The following CPT1C variants were observed in gnomAD, a reference collection of about 807,000 sequenced individuals.
CPT1C encodes the protein carnitine palmitoyltransferase 1C.
In CPT1C, 61 loss-of-function variants were observed where a neutral mutation model predicts 97.3. The ratio of observed to expected loss-of-function variants is 0.63; its 90% CI spans 0.51 to 0.78. The LOEUF (loss-of-function observed/expected upper bound fraction) is 0.78. Ranked by LOEUF, CPT1C falls within the 30% of genes least tolerant of loss-of-function variation. CPT1C has a pLI of 0.00. For missense variants in CPT1C, 975 were observed against 1,065.5 expected, an observed-to-expected ratio of 0.92 and a Z score of 1.18; for synonymous variants, 469 against 447.2, an observed-to-expected ratio of 1.05 and a Z score of -0.61.
chr19:49,697,169 G>A (rs1398531251), intron 3 of CPT1C, among the ~76,000 whole-genome samples, 157 bp from the exon 4 acceptor site: 1 of 152,146 alleles, frequency 6.6e-6, no homozygotes, highest in Admixed American at 6.5e-5. Context: ...GTCTGACCTC[G>A]CTGAGGGCAG....
intron 4 of CPT1C, among the ~76,000 whole-genome samples, chr19:49,699,548 T>C (rs2123229691): frequency 6.8e-6 from 1 of 146,882 alleles, no homozygotes; most frequent in East Asian, 2.1e-4. Context: ...TTGACCCAAG[T>C]CCTCCAGGTG....
chr19:49,712,966 C>T lies in CPT1C; in HGVS notation c.2134-6C>T. On this transcript the variant is annotated splice_polypyrimidine_tract_variant and splice_region_variant and intron_variant, in intron 18 of 19. Coordinates refer to ENST00000598293, the MANE Select transcript of CPT1C (RefSeq NM_001199753.2). The stretch of plus-strand genomic sequence containing the variant: ...ATTTTCTTCCCTTCACTCTTTCCGT[C>T]TCCAGGCTGATGACCATGGTTATGG... The T allele has an allele frequency of 6.2e-7, 1 of 1,613,474 alleles. No homozygotes were observed. The highest frequency in any genetic ancestry group is 8.5e-7 in the Non-Finnish European group (1 of 1,179,450).
Position 49,705,945 on chromosome 19 carries a change from C to T in CPT1C, c.1001C>T (p.Ala334Val). 1 of 1,613,880 alleles carries T rather than the reference C, an allele frequency of 6.2e-7. No individual in the cohort carries two copies. The highest frequency in any genetic ancestry group is 1.3e-5 in the African/African-American group (1 of 75,026). The change falls in exon 11 of 20, where the codon GCT becomes GTT. Residue 334 changes from alanine to valine, a missense_variant. This residue lies in a region of CPT1C where 596 missense variants were observed against 603.1 expected (regional missense o/e 0.99). Coordinates refer to ENST00000598293, the MANE Select transcript of CPT1C (RefSeq NM_001199753.2). Reference protein sequence around the residue: ...IRHLHDSQHVAVFHRGRFFRM... With the variant: ...IRHLHDSQHVVVFHRGRFFRM... ...CACCTCCATGACAGCCAACACGTGG[C>T]TGTCTTCCACCGGGGCCGATTCTTC...
intron 10 of CPT1C, 42 bp from the exon 11 acceptor site, chr19:49,705,867 C>G (rs1189332189): frequency 3.9e-6 from 6 of 1,556,236 alleles, no homozygotes; most frequent in Non-Finnish European, 5.3e-6. Context: ...TTTTATGTGT[C>G]TGGCCTTCCT....
At chr19:49,697,609 G>C (rs1245549965) in intron 4 of CPT1C, 144 bp downstream of exon 4, 7 of 1,006,362 alleles carry the variant, frequency 7.0e-6, no homozygotes, top group Non-Finnish European at 8.7e-6. Flanking sequence ...ATGGCATGAA[G>C]AAAAAGGAGG....
At chr19:49,701,141 C>CTCTCTGGGTCTCTGTCCCCTG (rs1477082091) in intron 5 of CPT1C, among the ~76,000 whole-genome samples, 176 bp from the exon 6 acceptor site, 1 of 149,506 alleles carries the variant, frequency 6.7e-6, no homozygotes, top group Non-Finnish European at 1.5e-5. Context: ...CTGTCCCCCT[C>CTCTCTGGGTCTCTGTCCCCTG]TCTCTGGGTC....
Position 49,694,307 on chromosome 19 carries a change from A to G in CPT1C, c.141+1914A>G, listed in dbSNP as rs527251261. Among the ~76,000 whole-genome samples the G allele has an allele frequency of 4.6e-5, 7 of 151,968 alleles. No homozygotes were observed. In the East Asian group the frequency reaches 7.8e-4, roughly 17 times the overall value. The stretch of plus-strand genomic sequence containing the variant: ...ATGGTGAATGATAAATCGGGTAGAG[A>G]AGAGTGATGTGGGGGTGTTGCAGTT... On this transcript the variant is annotated intron_variant, in intron 3 of 19. Coordinates refer to ENST00000598293, the MANE Select transcript of CPT1C (RefSeq NM_001199753.2).
chr19:49,702,004 T>TATATTTATTTA (rs1568520759), intron 7 of CPT1C, among the ~76,000 whole-genome samples: 17 of 9,972 alleles, frequency 1.7e-3, no homozygotes, highest in African/African-American at 3.3e-3. Flanking sequence ...TATAAATATA[T>TATATTTATTTA]TAAATATATT....
chr19:49,696,570 C>A, intron 3 of CPT1C: 1 of 151,666 alleles, frequency 6.6e-6, no homozygotes, highest in South Asian at 2.1e-4. Flanking sequence ...AAGCGATCCT[C>A]CTGCTTCAGC....
intron 4 of CPT1C, 84 bp downstream of exon 4, chr19:49,697,549 C>A: frequency 6.7e-7 from 1 of 1,486,826 alleles, no homozygotes; most frequent in Non-Finnish European, 9.1e-7. Context: ...GGTGTACCTG[C>A]TAAAGAAAAG....
intron 2 of CPT1C, 22 bp downstream of exon 2, chr19:49,691,911 A>C: frequency 3.7e-6 from 1 of 273,908 alleles, no homozygotes. Flanking sequence ...AGGATGAGCT[A>C]GGTTATGTAG....
At position 49,712,731 on chromosome 19, in the gene CPT1C, C is replaced by G; in HGVS notation, c.2020-5C>G. ...CCTGCACATGTGATGGGCTCCTGTC[C>G]TCAGGTCCATTCGGAGCAGTGGCAG... On this transcript the variant is annotated splice_polypyrimidine_tract_variant and splice_region_variant and intron_variant, in intron 17 of 19. Transcript: ENST00000598293. The G allele has an allele frequency of 6.2e-7, 1 of 1,609,462 alleles. No homozygotes were observed. Among genetic ancestry groups the G allele is most frequent in the Non-Finnish European group, 8.5e-7 (1 of 1,175,786 alleles).
chr19:49,711,825 C>A lies in CPT1C; in HGVS notation c.1883C>A (p.Ala628Asp). The A allele has an allele frequency of 6.2e-7, 1 of 1,612,988 alleles. No individual in the cohort carries two copies. Among genetic ancestry groups the A allele is most frequent in the Non-Finnish European group, 8.5e-7 (1 of 1,179,868 alleles). ...GGACTGCAGGACCCACAGTGCCTCG[C>A]CCTGTTCCGCGTGGCAGTGGACAAG... ...DKEKTDPQCLALFRVAVDKHQ... is the reference protein window; with the variant it reads ...DKEKTDPQCLDLFRVAVDKHQ... Residue 628 changes from alanine to aspartate, a missense_variant, in exon 17 of 20, where the codon GCC becomes GAC. Physicochemically the swap from Ala to Asp is moderately radical, Grantham distance 126. This residue lies in a region of CPT1C where 344 missense variants were observed against 395.7 expected (regional missense o/e 0.87). Transcript: ENST00000598293.
chr19:49,708,053 G>C (rs1206793373), intron 13 of CPT1C, among the ~76,000 whole-genome samples: 1 of 149,554 alleles, frequency 6.7e-6, no homozygotes, highest in African/African-American at 2.5e-5. Context: ...GGCTCAGGGA[G>C]AGGCAGAGGC....
chr19:49,697,528 T>C (rs2082736253), intron 4 of CPT1C, 63 bp downstream of exon 4: 1 of 1,565,316 alleles, frequency 6.4e-7, no homozygotes, highest in African/African-American at 1.4e-5. Flanking sequence ...AGTAAGTTCC[T>C]CTGTCATTGT....
chr19:49,700,715 C>T lies in CPT1C; in HGVS notation c.313C>T (p.Leu105=). The change falls in exon 5 of 20, where the codon CTG becomes TTG. Residue 105 remains leucine, a synonymous_variant. Coordinates refer to ENST00000598293, the MANE Select transcript of CPT1C (RefSeq NM_001199753.2). Reference sequence around the variant, plus strand: ...ACAACACCACGGGCTCCGGGGGGTCCTGGCAGCCGCGCTGTTTGCCTCGTG... The same window carrying T: ...ACAACACCACGGGCTCCGGGGGGTCTTGGCAGCCGCGCTGTTTGCCTCGTG... The part of the protein sequence containing the change: ...GGQHHGLRGV[L]AAALFASCLW... 6.2e-7 allele frequency: 1 copy of T among 1,611,242 alleles called. No homozygotes were observed. The highest frequency in any genetic ancestry group is 8.5e-7 in the Non-Finnish European group (1 of 1,180,018).
intron 7 of CPT1C, among the ~76,000 whole-genome samples, chr19:49,701,946 A>T (rs1355956926): frequency 2.3e-5 from 2 of 87,338 alleles, no homozygotes; most frequent in Non-Finnish European, 3.9e-5. Context: ...TTATAAATTT[A>T]TATATAAATA....
In CPT1C at chr19:49,705,049, G is replaced by A. The variant is rs756410814; in HGVS notation, c.814G>A (p.Ala272Thr). The A allele has an allele frequency of 1.6e-5, 25 of 1,610,516 alleles. No homozygotes were observed. Among genetic ancestry groups the A allele is most frequent in the East Asian group, 4.5e-5 (2 of 44,806 alleles). ...VTPTPLQAARAGNAVHALLLY... is the reference protein window; with the variant it reads ...VTPTPLQAARTGNAVHALLLY... ...ACCCACGCCTCTGCAGGCAGCTCGC[G>A]CTGGGAATGCCGTCCATGCCCTCCT... Residue 272 changes from alanine to threonine, a missense_variant, in exon 9 of 20, where the codon GCT becomes ACT. This residue lies in a region of CPT1C where 596 missense variants were observed against 603.1 expected (regional missense o/e 0.99). Coordinates refer to ENST00000598293, the MANE Select transcript of CPT1C (RefSeq NM_001199753.2).
upstream of CPT1C, chr19:49,691,108 C>G (rs2082325792): frequency 2.0e-5 from 3 of 151,806 alleles, no homozygotes; most frequent in Non-Finnish European, 2.9e-5. Flanking sequence ...GGATAAAACC[C>G]GGGACCTGAA....
Sources: allele counts gnomAD v4.1 joint callset (sites outside exome capture counted in the v4.1 genomes callset), GRCh38; gene constraint gnomAD v4.1.1; regional missense constraint gnomAD v4.1.1; transcripts MANE v1.5; gene names NCBI Gene and HGNC (gene_info 2026-07-23, HGNC 2026-07-21).